The following PHF2 variants were observed in gnomAD, a reference collection of about 807,000 sequenced individuals.
The protein encoded by PHF2 is lysine-specific demethylase PHF2.
In PHF2, 27 loss-of-function variants were observed where a neutral mutation model predicts 120.5. The observed-to-expected ratio is 0.22, with a 90% confidence interval of 0.17 to 0.31. The LOEUF (loss-of-function observed/expected upper bound fraction) is 0.31. Among genes scored for constraint, PHF2 ranks in the 10% least tolerant of loss-of-function variants. PHF2 has a pLI of 1.00. For missense variants in PHF2, 1,024 were observed against 1,434.8 expected (o/e 0.71, Z 4.63); for synonymous variants, 568 against 592.5 (o/e 0.96, Z 0.60).
rs2118156577 is a variant in PHF2 at position 93,675,799 on chromosome 9, G to A, written c.2832+10G>A. On this transcript the variant is annotated intron_variant, in intron 20 of 21. Transcript: ENST00000359246. Reference sequence around the variant, plus strand: ...TAAGTTGTCCCAGCAGGTGAGGAGGGGCGAGAAGGACACACGGCAGCCAGG... The same window carrying A: ...TAAGTTGTCCCAGCAGGTGAGGAGGAGCGAGAAGGACACACGGCAGCCAGG... The A allele has an allele frequency of 6.2e-7, 1 of 1,602,622 alleles. No individual in the cohort carries two copies. Among genetic ancestry groups the A allele is most frequent in the Non-Finnish European group, 8.5e-7 (1 of 1,174,752 alleles).
At position 93,656,510 on chromosome 9, in the gene PHF2, G is replaced by T. The variant is rs1310893218; in HGVS notation, c.1062G>T (p.Arg354Ser). 6.2e-7 allele frequency: 1 copy of T among 1,613,576 alleles called. No homozygotes were observed. The highest frequency in any genetic ancestry group is 8.5e-7 in the Non-Finnish European group (1 of 1,179,782). The change falls in exon 9 of 22, where the codon AGG (arginine) becomes AGT (serine). Residue 354 changes from arginine to serine, a missense_variant. Coordinates refer to ENST00000359246, the MANE Select transcript of PHF2 (RefSeq NM_005392.4). The surrounding 1 kb of genome is among the most constrained non-coding windows in gnomAD (Gnocchi z 4.1). ...CTAGAGCATATGAAGTGGAAAGGAG[G>T]TTGAAACTGGGCAGCCTGACTCAGT... ...MQMRAYEVER[R>S]LKLGSLTQFP... is the part of the protein sequence containing the mutation.
intron 1 of PHF2, among the ~76,000 whole-genome samples, chr9:93,583,923 G>A (rs1460600826): frequency 6.7e-6 from 1 of 149,198 alleles, no homozygotes; most frequent in Non-Finnish European, 1.5e-5. Flanking sequence ...CTGCCTCCCT[G>A]GTTCAAGTGA....
chr9:93,619,953 G>T (rs1825798322), intron 1 of PHF2, among the ~76,000 whole-genome samples: 1 of 152,154 alleles, frequency 6.6e-6, no homozygotes, highest in Non-Finnish European at 1.5e-5. Context: ...CTCCTGGTCT[G>T]GTCTGCCCTG....
intron 1 of PHF2, among the ~76,000 whole-genome samples, chr9:93,620,559 A>G (rs537956739): frequency 2.0e-5 from 3 of 152,370 alleles, no homozygotes; most frequent in East Asian, 1.9e-4. Context: ...ACAGGCCACA[A>G]GCACGTGGAT....
Position 93,673,760 on chromosome 9 carries a change from G to A in PHF2, c.2524G>A (p.Gly842Ser), listed in dbSNP as rs1826853672. 1 of 1,613,354 alleles carries A rather than the reference G, an allele frequency of 6.2e-7. No individual in the cohort carries two copies. The highest frequency in any genetic ancestry group is 1.3e-5 in the African/African-American group (1 of 74,920). Residue 842 changes from glycine to serine, a missense_variant, in exon 18 of 22, where the codon GGC (glycine) becomes AGC (serine). By Grantham distance (56) the Gly-to-Ser change is moderately conservative (BLOSUM62 0). This residue lies in a region of PHF2 where 677 missense variants were observed against 857.4 expected (regional missense o/e 0.79). Transcript: ENST00000359246. ...TGGGGGTGGCAGTGGCAAGAGTGCAGGCAAACGACTGCTGAAGAGGGCTGC... is the reference window on the plus strand; with the variant it reads ...TGGGGGTGGCAGTGGCAAGAGTGCAAGCAAACGACTGCTGAAGAGGGCTGC... ...KNGGGSGKSAGKRLLKRAAKN... is the reference protein window; with the variant it reads ...KNGGGSGKSASKRLLKRAAKN...
chr9:93,645,234 AAG>A (rs1826235868), intron 3 of PHF2, among the ~76,000 whole-genome samples: 2 of 152,148 alleles, frequency 1.3e-5, no homozygotes, highest in East Asian at 1.9e-4. Context: ...GAAGGGGTAC[AAG>A]GGAGGTGCAG....
At chr9:93,675,597 G>A in intron 19 of PHF2, 83 bp from the exon 20 acceptor site, 1 of 1,046,448 alleles carries the variant, frequency 9.6e-7, no homozygotes, top group Non-Finnish European at 1.4e-6. Flanking sequence ...ACAGGCTGGG[G>A]TGGGGGCAGG....
At chr9:93,659,427 C>G in intron 10 of PHF2, 84 bp from the exon 11 acceptor site, 1 of 1,122,166 alleles carries the variant, frequency 8.9e-7, no homozygotes, top group Non-Finnish European at 1.3e-6. Flanking sequence ...GCTCGGCAGT[C>G]AGGCGACAGC....
At position 93,660,383 on chromosome 9, in the gene PHF2, G is replaced by GCCCCCCAAA; in HGVS notation, c.1526_1527insCAAACCCCC (p.Lys513_Pro515dup). 2 of 1,511,700 alleles carry GCCCCCCAAA rather than the reference G, an allele frequency of 1.3e-6. No homozygotes were observed. Among genetic ancestry groups the GCCCCCCAAA allele is most frequent in the Non-Finnish European group, 1.8e-6 (2 of 1,126,698 alleles). The allele number at this position is 1,511,700 out of a possible 1,614,324, so 93.6% of individuals were successfully genotyped here. A position where few individuals can be genotyped will look rare whatever the true frequency, so the allele number is the denominator to read the frequency against. On this transcript the variant is annotated inframe_insertion, in exon 12 of 22. Coordinates refer to ENST00000359246, the MANE Select transcript of PHF2 (RefSeq NM_005392.4). The stretch of plus-strand genomic sequence containing the variant: ...TGCCCAAGCCATCCAAAATCCCCAA[G>GCCCCCCAAA]CCCCCGAAGCCCCCTAAGCCCCCAA...
At chr9:93,652,430 G>C (rs2117925714) in intron 5 of PHF2, among the ~76,000 whole-genome samples, 1 of 151,896 alleles carries the variant, frequency 6.6e-6, no homozygotes, top group African/African-American at 2.4e-5. Flanking sequence ...AAGTAGCTGG[G>C]ATTACAGGCA....
intron 1 of PHF2, among the ~76,000 whole-genome samples, chr9:93,606,352 T>G (rs982982702): frequency 8.5e-5 from 13 of 152,150 alleles, no homozygotes; most frequent in African/African-American, 3.1e-4. Flanking sequence ...TGAATGAGAG[T>G]TCGTGTTGCT....
chr9:93,631,371 A>T (rs896552602), intron 2 of PHF2, among the ~76,000 whole-genome samples: 1 of 152,184 alleles, frequency 6.6e-6, no homozygotes, highest in Non-Finnish European at 1.5e-5. Flanking sequence ...GATGAGGAGA[A>T]GCTAGCAGCT....
intron 1 of PHF2, among the ~76,000 whole-genome samples, chr9:93,621,766 G>A (rs1825831885): frequency 6.6e-6 from 1 of 152,108 alleles, no homozygotes; most frequent in Admixed American, 6.5e-5. Context: ...CCAGGACCCC[G>A]TGCCAATATC....
Position 93,583,076 on chromosome 9 carries a change from C to T in PHF2, c.98+6205C>T, listed in dbSNP as rs186872157. On this transcript the variant is annotated intron_variant, in intron 1 of 21. Coordinates refer to ENST00000359246, the MANE Select transcript of PHF2 (RefSeq NM_005392.4). ...TAGTCACTGCCCTTTCTTCCTCCCA[C>T]TAGCCCCTGACAACTAGCAGTCTGC... 3.3e-5 allele frequency among the ~76,000 whole-genome samples: 5 copies of T among 152,334 alleles called. No homozygotes were observed. In the East Asian group the frequency reaches 9.6e-4, roughly 29 times the overall value.
rs1826917186 is a variant in PHF2 at position 93,676,659 on chromosome 9, T to TTCCACC, written c.2909_2914dup (p.Thr970_Ser971dup). On this transcript the variant is annotated inframe_insertion, in exon 21 of 22. Coordinates refer to ENST00000359246, the MANE Select transcript of PHF2 (RefSeq NM_005392.4). ...AGCTGACTCCTAACACCACCTCCCCTTCCACCTCCACCTCCATCTCTGCCG... is the reference window on the plus strand; with the variant it reads ...AGCTGACTCCTAACACCACCTCCCCTTCCACCTCCACCTCCACCTCCATCTCTGCCG... 1 of 1,600,860 alleles carries TTCCACC rather than the reference T, an allele frequency of 6.2e-7. No homozygotes were observed. The highest frequency in any genetic ancestry group is 8.5e-7 in the Non-Finnish European group (1 of 1,173,566).
At chr9:93,621,777 C>T (rs1825832008) in intron 1 of PHF2, among the ~76,000 whole-genome samples, 2 of 152,130 alleles carry the variant, frequency 1.3e-5, no homozygotes, top group Non-Finnish European at 2.9e-5. Flanking sequence ...TGCCAATATC[C>T]AGAGCTGAGG....
At chr9:93,669,226 C>T (rs1416922189) in intron 17 of PHF2, among the ~76,000 whole-genome samples, 2 of 152,212 alleles carry the variant, frequency 1.3e-5, no homozygotes, top group Non-Finnish European at 2.9e-5. Flanking sequence ...TGCAGGCCCC[C>T]GCCCTCCAGT....
chr9:93,658,304 C>A, intron 10 of PHF2, 68 bp downstream of exon 10: 1 of 1,177,022 alleles, frequency 8.5e-7, no homozygotes, highest in South Asian at 1.3e-5. Flanking sequence ...TCCCTGGAGA[C>A]CCAGCAGCAA....
chr9:93,676,677 C>A lies in PHF2; in HGVS notation c.2916C>A (p.Ile972=), dbSNP rs778581649. 10 of 1,581,940 alleles carry A rather than the reference C, an allele frequency of 6.3e-6. No homozygotes were observed. The Admixed American group carries it at 9.2e-5, about 15-fold the overall frequency. ...CCTCCCCTTCCACCTCCACCTCCAT[C>A]TCTGCCGGCACCACCTCCACCTCCA... The part of the protein sequence containing the change: ...NTTSPSTSTS[I]SAGTTSTSTT... The change falls in exon 21 of 22, where the codon ATC becomes ATA. Residue 972 remains isoleucine, a synonymous_variant. Coordinates refer to ENST00000359246, the MANE Select transcript of PHF2 (RefSeq NM_005392.4).
Sources: gnomAD v4.1 joint callset for allele counts (sites outside exome capture counted in the v4.1 genomes callset) on GRCh38, gnomAD v4.1.1 for gene constraint, gnomAD v4.1.1 regional missense constraint, Gnocchi (gnomAD v3.1) non-coding constraint, MANE v1.5 for transcripts, NCBI Gene and HGNC (gene_info 2026-07-23, HGNC 2026-07-21) for gene names.